IGDCC3: variants seen among roughly 807,000 people sequenced by gnomAD.
IGDCC3 encodes the protein putative neuronal cell adhesion molecule.
A neutral mutation model predicts 72.0 loss-of-function variants in IGDCC3; 47 were observed. That is an observed-to-expected ratio of 0.65 (90% CI 0.52 to 0.83). The LOEUF is 0.83. IGDCC3 is among the 40% of genes least tolerant of loss of function. The pLI is 0.00. For missense variants in IGDCC3, 1,038 were observed against 1,091.3 expected, an observed-to-expected ratio of 0.95 and a Z score of 0.69; for synonymous variants, 477 against 472.8, an observed-to-expected ratio of 1.01 and a Z score of -0.11.
At chr15:65,369,651 C>T (rs894483873) in intron 2 of IGDCC3, among the ~76,000 whole-genome samples, 1 of 152,068 alleles carries the variant, frequency 6.6e-6, no homozygotes, top group Admixed American at 6.6e-5. Context: ...CTCAGTTAAG[C>T]GGGAGAAGAA....
In IGDCC3 at chr15:65,377,196, C is replaced by A. The variant is rs142088590; in HGVS notation, c.103+490G>T. Among the ~76,000 whole-genome samples, 45 of 152,298 alleles carry A rather than the reference C, an allele frequency of 3.0e-4. 1 individual carries two copies. In the East Asian group the frequency reaches 7.3e-3, roughly 25 times the overall value. Reference sequence around the variant, plus strand: ...CTCCCGCGCACTCCTCAGCCCAGTACCAGCTCCAAATGCAGGTCGTGCCAT... The same window carrying A: ...CTCCCGCGCACTCCTCAGCCCAGTAACAGCTCCAAATGCAGGTCGTGCCAT... On this transcript the variant is annotated intron_variant, in intron 1 of 13. Transcript: ENST00000327987. The surrounding 1 kb of genome is among the most constrained non-coding windows in gnomAD (Gnocchi z 4.9).
chr15:65,360,814 C>A (rs1056881656), intron 2 of IGDCC3, among the ~76,000 whole-genome samples: 3 of 152,110 alleles, frequency 2.0e-5, no homozygotes, highest in African/African-American at 7.2e-5. Context: ...CTTGCTCTGT[C>A]ACCCAGGCTG....
Position 65,334,711 on chromosome 15 carries a change from G to GT in IGDCC3, c.823+16dup. Reference sequence around the variant, plus strand: ...GGACAGGCTGGGAGGGGCAGGGGCTGTGGGGATGAGGCTCACCCAGGCGGC... The same window carrying GT: ...GGACAGGCTGGGAGGGGCAGGGGCTGTTGGGGATGAGGCTCACCCAGGCGGC... On this transcript the variant is annotated intron_variant, in intron 5 of 13. Coordinates refer to ENST00000327987, the MANE Select transcript of IGDCC3 (RefSeq NM_004884.4). 1 of 1,542,572 alleles carries GT rather than the reference G, an allele frequency of 6.5e-7. No homozygotes were observed. The highest frequency in any genetic ancestry group is 1.2e-5 in the South Asian group (1 of 82,240).
At chr15:65,341,838 A>G (rs1320039709) in intron 2 of IGDCC3, among the ~76,000 whole-genome samples, 8 of 152,138 alleles carry the variant, frequency 5.3e-5, no homozygotes, top group Admixed American at 2.0e-4. Flanking sequence ...TAGTGGCATG[A>G]TCTCAGCTCA....
chr15:65,356,627 T>G (rs924102268), intron 2 of IGDCC3, among the ~76,000 whole-genome samples: 1 of 146,300 alleles, frequency 6.8e-6, no homozygotes, highest in African/African-American at 2.5e-5. Flanking sequence ...AGAGATACTT[T>G]GTGCTACGTC....
chr15:65,364,589 C>T (rs1422738543), intron 2 of IGDCC3, among the ~76,000 whole-genome samples: 3 of 151,916 alleles, frequency 2.0e-5, no homozygotes, highest in Admixed American at 6.6e-5. Context: ...CAGAGCAGCA[C>T]GAAAGAAAAA....
chr15:65,337,604 A>G (rs538917636), intron 2 of IGDCC3, among the ~76,000 whole-genome samples: 362 of 152,264 alleles, frequency 2.4e-3, no homozygotes, highest in Admixed American at 6.4e-3. Flanking sequence ...TCCCGGCCTC[A>G]GGCCAAAGGC....
Position 65,327,518 on chromosome 15 carries a change from T to A in IGDCC3, c.*1391A>T, listed in dbSNP as rs952901329. ...AAGGAATACACTTATCTTTTTTCTT[T>A]AAAAAAAGTTTTTCTTCTGCTATTT... On this transcript the variant is annotated 3_prime_UTR_variant, in exon 14 of 14. Transcript: ENST00000327987. The A allele has an allele frequency of 6.6e-6, 1 of 152,174 alleles. No homozygotes were observed. The highest frequency in any genetic ancestry group is 2.4e-5 in the African/African-American group (1 of 41,446). 9.4% of individuals were successfully genotyped at this position (152,174 alleles called of 1,614,324 possible).
Position 65,330,409 on chromosome 15 carries a change from C to G in IGDCC3, c.1754-12G>C. 6.2e-7 allele frequency: 1 copy of G among 1,607,758 alleles called. No individual in the cohort carries two copies. Among genetic ancestry groups the G allele is most frequent in the Non-Finnish European group, 8.5e-7 (1 of 1,175,284 alleles). ...CACTGCAGTGGGGTCTGGAGGAAGG[C>G]AGGGCGGATGAGCAACTGCCCCTGC... On this transcript the variant is annotated splice_polypyrimidine_tract_variant and intron_variant, in intron 10 of 13. Transcript: ENST00000327987.
chr15:65,354,730 C>T (rs1190616992), intron 2 of IGDCC3, among the ~76,000 whole-genome samples: 2 of 152,212 alleles, frequency 1.3e-5, no homozygotes, highest in African/African-American at 4.8e-5. Flanking sequence ...ATCTTGTCTT[C>T]CACATAAGTC....
intron 2 of IGDCC3, among the ~76,000 whole-genome samples, chr15:65,348,673 C>T (rs1033920526): frequency 2.6e-5 from 4 of 152,108 alleles, no homozygotes; most frequent in Admixed American, 6.5e-5. Flanking sequence ...GATGCTTGAC[C>T]GACCCCGGGT....
intron 2 of IGDCC3, among the ~76,000 whole-genome samples, chr15:65,342,675 G>A (rs1416131011): frequency 6.6e-6 from 1 of 152,060 alleles, no homozygotes; most frequent in Non-Finnish European, 1.5e-5. Context: ...TCACTGGCCA[G>A]CCTTGCCCTT....
Position 65,356,848 on chromosome 15 carries a change from C to CTTTTTTTT in IGDCC3, c.409+18241_409+18248dup, listed in dbSNP as rs766472764. ...GATGTGAGATTTGAGAATGGACCTGCTTTTTTTTTTTTTTTTTTTGAGATG... is the reference window on the plus strand; with the variant it reads ...GATGTGAGATTTGAGAATGGACCTGCTTTTTTTTTTTTTTTTTTTTTTTTTTTGAGATG... On this transcript the variant is annotated intron_variant, in intron 2 of 13. Coordinates refer to ENST00000327987, the MANE Select transcript of IGDCC3 (RefSeq NM_004884.4). Among the ~76,000 whole-genome samples, 188 of 70,876 alleles carry CTTTTTTTT rather than the reference C, an allele frequency of 2.7e-3. 42 individuals are homozygous for CTTTTTTTT. Among genetic ancestry groups the CTTTTTTTT allele is most frequent in the African/African-American group, 0.012 (177 of 15,026 alleles). 46.5% of individuals were successfully genotyped at this position (70,876 alleles called of 152,430 possible).
At position 65,330,739 on chromosome 15, in the gene IGDCC3, G is replaced by A. The variant is rs2090969717; in HGVS notation, c.1564C>T (p.Pro522Ser). Residue 522 changes from proline (P) to serine (S), a missense_variant and splice_region_variant, in exon 10 of 14, where the codon CCT becomes TCT. Transcript: ENST00000327987. ...CGCACTGACAGTGGGGGTGGGGCAG[G>A]GGCTGCAGGTAGAGAAGGAGGCCAC... ...PTLASTLGEA[P>S]APPPLSVRVL... is the part of the protein sequence containing the mutation. The A allele has an allele frequency of 6.2e-7, 1 of 1,601,612 alleles. No homozygotes were observed. Among genetic ancestry groups the A allele is most frequent in the East Asian group, 2.2e-5 (1 of 44,482 alleles).
At chr15:65,355,237 G>A (rs1040017768) in intron 2 of IGDCC3, among the ~76,000 whole-genome samples, 1 of 152,144 alleles carries the variant, frequency 6.6e-6, no homozygotes, top group African/African-American at 2.4e-5. Context: ...CCGAGCCTGG[G>A]GCCCCGAGAG....
intron 2 of IGDCC3, among the ~76,000 whole-genome samples, chr15:65,359,650 G>C (rs2091248266): frequency 2.0e-5 from 3 of 152,212 alleles, no homozygotes; most frequent in Admixed American, 6.5e-5. Context: ...GAAGAAGGGT[G>C]TTTCAGGGAA....
rs143782720 is a variant in IGDCC3 at position 65,330,715 on chromosome 15, G to A, written c.1588C>T (p.Arg530Ter). The stretch of plus-strand genomic sequence containing the variant: ...TGCAAGGAGGAGCTGCCCAGGACTC[G>A]CACTGACAGTGGGGGTGGGGCAGGG... ...EAPAPPPLSV[R>*]VLGSSSLQLL... The change falls in exon 10 of 14, where the codon CGA (arginine) becomes TGA (stop). Residue 530 changes from arginine to a stop codon, truncating the protein, a stop_gained. Coordinates refer to ENST00000327987, the MANE Select transcript of IGDCC3 (RefSeq NM_004884.4). LOFTEE classifies it high-confidence loss of function. The A allele has an allele frequency of 7.4e-6, 12 of 1,611,328 alleles. No individual in the cohort carries two copies. Among genetic ancestry groups the A allele is most frequent in the East Asian group, 4.5e-5 (2 of 44,822 alleles).
At chr15:65,354,136 C>A (rs1180148642) in intron 2 of IGDCC3, among the ~76,000 whole-genome samples, 1 of 152,130 alleles carries the variant, frequency 6.6e-6, no homozygotes, top group African/African-American at 2.4e-5. Context: ...GAACTCCTGA[C>A]TTCAGGTGAT....
rs148711269 is a variant in IGDCC3 at position 65,333,409 on chromosome 15, C to T, written c.830G>A (p.Arg277His). 7.5e-6 allele frequency: 12 copies of T among 1,599,592 alleles called. No individual in the cohort carries two copies. The highest frequency in any genetic ancestry group is 2.3e-5 in the East Asian group (1 of 43,984). Residue 277 changes from arginine (R) to histidine (H), a missense_variant, in exon 6 of 14, where the codon CGC becomes CAC. By Grantham distance (29) the Arg-to-His change is conservative. Transcript: ENST00000327987. ...CTGGATGCCCTCCACCCCGATAGGG[C>T]GACCATCTGCAGAGGAAGGGGAGGG... is the stretch of plus-strand genomic sequence containing the variant. ...PIVSWSRLDG[R>H]PIGVEGIQVL...
Sources: gnomAD v4.1 joint callset for allele counts (sites outside exome capture counted in the v4.1 genomes callset) on GRCh38, gnomAD v4.1.1 for gene constraint, Gnocchi (gnomAD v3.1) non-coding constraint, MANE v1.5 for transcripts, NCBI Gene and HGNC (gene_info 2026-07-23, HGNC 2026-07-21) for gene names.